Variants in FOXP1 observed in about 807,000 individuals in gnomAD.
FOXP1 encodes the protein forkhead box P1.
In FOXP1, 15 loss-of-function variants were observed where a neutral mutation model predicts 98.2. The ratio of observed to expected loss-of-function variants is 0.15; its 90% CI spans 0.10 to 0.24. The LOEUF (loss-of-function observed/expected upper bound fraction) is 0.24, where lower values mean the gene tolerates loss of function less well. FOXP1 is among the 10% of genes least tolerant of loss of function. The pLI is 1.00. For synonymous variants in FOXP1, 371 were observed against 314.5 expected (o/e 1.18, Z -1.90); for missense variants, 633 against 848.5 (o/e 0.75, Z 3.15).
At chr3:71,554,923 T>A (rs1368709022) in intron 2 of FOXP1, among the ~76,000 whole-genome samples, 1 of 152,174 alleles carries the variant, frequency 6.6e-6, no homozygotes, top group African/African-American at 2.4e-5. Flanking sequence ...CAAGAGTAGA[T>A]AGTAAATGTC....
At chr3:71,348,362 T>C (rs2077503885) in intron 4 of FOXP1, among the ~76,000 whole-genome samples, 1 of 152,138 alleles carries the variant, frequency 6.6e-6, no homozygotes, top group Non-Finnish European at 1.5e-5. Context: ...ACAGTTGTAA[T>C]ATCAAACAGG....
chr3:71,166,915 C>G (rs141459431), intron 6 of FOXP1, among the ~76,000 whole-genome samples: 76 of 152,172 alleles, frequency 5.0e-4, no homozygotes, highest in African/African-American at 1.7e-3. Flanking sequence ...GTTTTTCCAG[C>G]CCCGTAATGC....
rs1158781127 is a variant in FOXP1 at position 71,162,963 on chromosome 3, G to T, written c.180+35239C>A. 3.9e-5 allele frequency among the ~76,000 whole-genome samples: 6 copies of T among 152,256 alleles called. No individual in the cohort carries two copies. In the East Asian group the frequency reaches 1.2e-3, roughly 29 times the overall value. Reference sequence around the variant, plus strand: ...TACCATCATATGTCTTTCCCCATTAGAAGATGTATCAATGCAACAGAAAGA... The same window carrying T: ...TACCATCATATGTCTTTCCCCATTATAAGATGTATCAATGCAACAGAAAGA... On this transcript the variant is annotated intron_variant, in intron 6 of 20. Transcript: ENST00000649528.
intron 6 of FOXP1, among the ~76,000 whole-genome samples, chr3:71,171,185 G>A (rs1384910990): frequency 1.3e-5 from 2 of 151,670 alleles, no homozygotes; most frequent in African/African-American, 2.4e-5. Flanking sequence ...TTTATACAGG[G>A]TAAAAAGTTG....
intron 4 of FOXP1, among the ~76,000 whole-genome samples, chr3:71,316,448 T>C (rs771435600): frequency 1.4e-4 from 21 of 152,170 alleles, no homozygotes; most frequent in South Asian, 6.2e-4. Flanking sequence ...CAAGGCTAGA[T>C]GCAAGGACCA....
intron 6 of FOXP1, among the ~76,000 whole-genome samples, chr3:71,144,384 T>C (rs556343810): frequency 1.3e-5 from 2 of 151,866 alleles, no homozygotes; most frequent in African/African-American, 4.8e-5. Flanking sequence ...GCAATGAGAG[T>C]GGTGCCCTGG....
intron 6 of FOXP1, among the ~76,000 whole-genome samples, chr3:71,196,069 A>T (rs2063281968): frequency 6.6e-6 from 1 of 152,244 alleles, no homozygotes. Flanking sequence ...TTTGCTAATC[A>T]CAATACAGGG....
chr3:71,506,953 G>T (rs1374523472), intron 2 of FOXP1, among the ~76,000 whole-genome samples: 1 of 152,094 alleles, frequency 6.6e-6, no homozygotes, highest in Non-Finnish European at 1.5e-5. Flanking sequence ...TATCCAATTG[G>T]AGAGCACTGT....
At chr3:71,083,329 A>T (rs2054659918) in intron 7 of FOXP1, among the ~76,000 whole-genome samples, 1 of 152,264 alleles carries the variant, frequency 6.6e-6, no homozygotes, top group South Asian at 2.1e-4. Context: ...AAGTTCCCTG[A>T]GGCCTCCCCG....
chr3:71,241,225 AAC>A (rs1397655414), intron 5 of FOXP1, among the ~76,000 whole-genome samples: 3 of 146,056 alleles, frequency 2.1e-5, no homozygotes, highest in Non-Finnish European at 4.6e-5. Context: ...AACAAAACAA[AAC>A]AAAACAAAAA....
chr3:71,468,450 A>G (rs887372389), intron 3 of FOXP1, among the ~76,000 whole-genome samples: 1 of 152,118 alleles, frequency 6.6e-6, no homozygotes, highest in African/African-American at 2.4e-5. Context: ...CAGGGATCTC[A>G]CCTGCTCTTC....
At chr3:70,982,653 C>T (rs2107416540) in intron 14 of FOXP1, among the ~76,000 whole-genome samples, 1 of 150,548 alleles carries the variant, frequency 6.6e-6, no homozygotes, top group South Asian at 2.1e-4. Context: ...GCCATCGAAA[C>T]TATTCAAACT....
chr3:71,028,144 A>AT lies in FOXP1; in HGVS notation c.870-12492dup, dbSNP rs546471994. ...GAATGAAATTAAGGCCAAAATTGAAATTTTTTTTTTAAATTTTGCTCCATA... is the reference window on the plus strand; with the variant it reads ...GAATGAAATTAAGGCCAAAATTGAAATTTTTTTTTTTAAATTTTGCTCCATA... On this transcript the variant is annotated intron_variant, in intron 11 of 20. Transcript: ENST00000649528. Among the ~76,000 whole-genome samples, 100 of 151,394 alleles carry AT rather than the reference A, an allele frequency of 6.6e-4. 1 individual carries two copies. Among genetic ancestry groups the AT allele is most frequent in the Non-Finnish European group, 1.1e-3 (77 of 67,798 alleles).
At chr3:71,457,814 T>C (rs186780307) in intron 3 of FOXP1, among the ~76,000 whole-genome samples, 167 of 152,326 alleles carry the variant, frequency 1.1e-3, no homozygotes, top group African/African-American at 3.8e-3. Flanking sequence ...TGGGTAAGTT[T>C]GTTTACTACA....
chr3:71,215,202 A>T (rs1456349800), intron 5 of FOXP1, among the ~76,000 whole-genome samples: 1 of 151,868 alleles, frequency 6.6e-6, no homozygotes, highest in Non-Finnish European at 1.5e-5. Context: ...ATATCCCACC[A>T]CTCCCTATTC....
At chr3:71,191,499 T>C (rs1321381043) in intron 6 of FOXP1, among the ~76,000 whole-genome samples, 1 of 152,228 alleles carries the variant, frequency 6.6e-6, no homozygotes, top group Non-Finnish European at 1.5e-5. Context: ...CATTCTCCTC[T>C]GTTACAGGTC....
intron 7 of FOXP1, among the ~76,000 whole-genome samples, chr3:71,110,938 C>T (rs1249407913): frequency 1.3e-5 from 2 of 152,160 alleles, no homozygotes; most frequent in African/African-American, 4.8e-5. Flanking sequence ...TGATGGTTTA[C>T]CAAATAAGTG....
chr3:70,989,759 G>A (rs2040322433), intron 13 of FOXP1, among the ~76,000 whole-genome samples: 1 of 152,100 alleles, frequency 6.6e-6, no homozygotes, highest in East Asian at 1.9e-4. Context: ...AAGGGTGAGA[G>A]GTGATATTTA....
intron 4 of FOXP1, among the ~76,000 whole-genome samples, chr3:71,329,362 C>G (rs1470512184): frequency 6.6e-6 from 1 of 152,116 alleles, no homozygotes. Flanking sequence ...GCTGGGACTA[C>G]AGGCACCCGC....
Sources: gnomAD v4.1 joint callset for allele counts (sites outside exome capture counted in the v4.1 genomes callset) on GRCh38, gnomAD v4.1.1 for gene constraint, MANE v1.5 for transcripts, NCBI Gene and HGNC (gene_info 2026-07-23, HGNC 2026-07-21) for gene names.